SMYD3: variants seen among roughly 807,000 people sequenced by gnomAD.
SMYD3 encodes SET and MYND domain containing 3, also known as histone-lysine N-methyltransferase SMYD3.
SMYD3 carries 36 observed loss-of-function variants against 57.7 expected under a neutral mutation model. The observed-to-expected ratio is 0.62, with a 90% CI of 0.48 to 0.82. The LOEUF (loss-of-function observed/expected upper bound fraction) is 0.82. Ranked by LOEUF, SMYD3 falls within the 40% of genes least tolerant of loss-of-function variation. SMYD3 has a pLI of 0.00. For synonymous variants in SMYD3, 211 were observed against 195.0 expected (o/e 1.08, Z -0.68); for missense variants, 515 against 538.8 (o/e 0.96, Z 0.44).
At chr1:246,416,502 C>T (rs2067062866) in intron 1 of SMYD3, among the ~76,000 whole-genome samples, 1 of 148,004 alleles carries the variant, frequency 6.8e-6, no homozygotes, top group Non-Finnish European at 1.5e-5. Context: ...AATTACTATT[C>T]ATCAGCATGA....
intron 5 of SMYD3, among the ~76,000 whole-genome samples, chr1:246,138,139 T>C (rs1051430516): frequency 6.6e-6 from 1 of 152,186 alleles, no homozygotes; most frequent in African/African-American, 2.4e-5. Context: ...ATTCTGTGCA[T>C]AGGGCCAAGG....
intron 5 of SMYD3, among the ~76,000 whole-genome samples, chr1:246,275,618 C>T (rs1378126815): frequency 7.4e-5 from 10 of 135,928 alleles, no homozygotes; most frequent in African/African-American, 2.7e-4. Context: ...TGTTTTTTCA[C>T]TAGCCGTATT....
chr1:246,064,783 T>A (rs188422283), intron 5 of SMYD3, among the ~76,000 whole-genome samples: 1 of 152,358 alleles, frequency 6.6e-6, no homozygotes, highest in Admixed American at 6.5e-5. Flanking sequence ...TAGACCGGAC[T>A]GAACTTAGAC....
Position 246,124,669 on chromosome 1 carries a change from A to C in SMYD3, c.532-194732T>G, listed in dbSNP as rs912968400. Among the ~76,000 whole-genome samples the C allele has an allele frequency of 7.7e-4, 118 of 152,352 alleles. 1 individual carries two copies. Among genetic ancestry groups the C allele is most frequent in the Non-Finnish European group, 1.5e-4 (10 of 68,042 alleles). On this transcript the variant is annotated intron_variant, in intron 5 of 11. Coordinates refer to ENST00000490107, the MANE Select transcript of SMYD3 (RefSeq NM_001167740.2). ...ACTACAATAAAAGGCAGATGACATA[A>C]GGCCGGAGAGGGACACAAGCAGCAT...
At chr1:245,825,390 A>G (rs2049425581) in intron 10 of SMYD3, among the ~76,000 whole-genome samples, 1 of 152,166 alleles carries the variant, frequency 6.6e-6, no homozygotes. Flanking sequence ...CTACGGGGGA[A>G]GTTACTGGGA....
At chr1:246,064,981 A>G (rs1233224130) in intron 5 of SMYD3, among the ~76,000 whole-genome samples, 1 of 152,224 alleles carries the variant, frequency 6.6e-6, no homozygotes, top group Admixed American at 6.5e-5. Context: ...TACTCTGATT[A>G]CTTCACTTAC....
chr1:245,923,634 T>A (rs1290320405), intron 7 of SMYD3, among the ~76,000 whole-genome samples: 2 of 152,212 alleles, frequency 1.3e-5, no homozygotes, highest in East Asian at 3.8e-4. Context: ...TCTAACTCCA[T>A]GGATCCTTTC....
chr1:246,029,579 G>A (rs1304998443), intron 5 of SMYD3, among the ~76,000 whole-genome samples: 2 of 151,136 alleles, frequency 1.3e-5, no homozygotes, highest in African/African-American at 4.9e-5. Context: ...GGCTGAAGCA[G>A]GAGAATTGCT....
intron 5 of SMYD3, among the ~76,000 whole-genome samples, chr1:246,042,795 T>C (rs2059900795): frequency 6.6e-6 from 1 of 152,186 alleles, no homozygotes; most frequent in African/African-American, 2.4e-5. Context: ...CCCTGTTTTG[T>C]CTTCCCCCAA....
chr1:246,198,003 TC>T (rs1405222337), intron 5 of SMYD3, among the ~76,000 whole-genome samples: 2 of 152,228 alleles, frequency 1.3e-5, no homozygotes, highest in African/African-American at 2.4e-5. Flanking sequence ...TGGATCTGAA[TC>T]CCGTTCCCCT....
At chr1:245,797,577 T>C (rs1467764327) in intron 10 of SMYD3, among the ~76,000 whole-genome samples, 2 of 150,952 alleles carry the variant, frequency 1.3e-5, no homozygotes, top group African/African-American at 2.4e-5. Context: ...CTAATGTAAA[T>C]GACAAGTTAA....
intron 1 of SMYD3, among the ~76,000 whole-genome samples, chr1:246,405,564 AGTG>A (rs1243905295): frequency 6.6e-6 from 1 of 152,036 alleles, no homozygotes; most frequent in Non-Finnish European, 1.5e-5. Flanking sequence ...GCTTCTCTTA[AGTG>A]GTGTCTTTAT....
intron 1 of SMYD3, among the ~76,000 whole-genome samples, chr1:246,375,512 A>C (rs1030892522): frequency 6.6e-6 from 1 of 152,134 alleles, no homozygotes. Context: ...AAGATGTAAC[A>C]AAATGGTGCT....
intron 10 of SMYD3, among the ~76,000 whole-genome samples, chr1:245,778,023 A>G (rs1007498672): frequency 1.3e-5 from 2 of 152,316 alleles, no homozygotes; most frequent in East Asian, 1.9e-4. Context: ...GTCAAAAGAA[A>G]CAAACTATTA....
At chr1:246,125,625 C>T (rs1199053371) in intron 5 of SMYD3, among the ~76,000 whole-genome samples, 3 of 151,734 alleles carry the variant, frequency 2.0e-5, no homozygotes, top group Admixed American at 1.3e-4. Flanking sequence ...TTTATGAGCT[C>T]GAAGGAAAGA....
chr1:246,299,339 A>AT (rs2064852929), intron 5 of SMYD3, among the ~76,000 whole-genome samples: 1 of 152,132 alleles, frequency 6.6e-6, no homozygotes, highest in South Asian at 2.1e-4. Context: ...AAAACTCAAA[A>AT]AATAACATGT....
intron 10 of SMYD3, among the ~76,000 whole-genome samples, chr1:245,843,785 G>C (rs916401383): frequency 6.6e-6 from 1 of 152,178 alleles, no homozygotes; most frequent in Non-Finnish European, 1.5e-5. Flanking sequence ...GTGAGAATTG[G>C]AGCTGAGTTA....
intron 8 of SMYD3, among the ~76,000 whole-genome samples, chr1:245,873,970 T>C (rs1474032835): frequency 1.3e-5 from 2 of 152,232 alleles, no homozygotes; most frequent in Non-Finnish European, 2.9e-5. Context: ...ACATGGAAAC[T>C]AATCCTTCCA....
chr1:246,225,321 CAAAAA>C (rs60915002), intron 5 of SMYD3, among the ~76,000 whole-genome samples: 26 of 76,286 alleles, frequency 3.4e-4, no homozygotes, highest in African/African-American at 1.1e-3. Flanking sequence ...GCTGAAAAGT[CAAAAA>C]AAAAAAAAAA....
Sources: allele counts gnomAD v4.1 joint callset (sites outside exome capture counted in the v4.1 genomes callset), GRCh38; gene constraint gnomAD v4.1.1; transcripts MANE v1.5; gene names NCBI Gene and HGNC (gene_info 2026-07-23, HGNC 2026-07-21).